Variants in BTNL8 observed in about 807,000 individuals in gnomAD.
BTNL8 encodes butyrophilin like 8.
BTNL8 carries 22 observed loss-of-function variants against 36.1 expected under a neutral mutation model. The ratio of observed to expected loss-of-function variants is 0.61; its 90% confidence interval spans 0.44 to 0.87. The LOEUF (loss-of-function observed/expected upper bound fraction) is 0.87, where lower values mean the gene tolerates loss of function less well. Ranked by LOEUF, BTNL8 falls within the 40% of genes least tolerant of loss-of-function variation. The pLI is 0.00. For synonymous variants in BTNL8, 203 were observed against 235.6 expected, an observed-to-expected ratio of 0.86 and a Z score of 1.27; for missense variants, 526 against 616.9, an observed-to-expected ratio of 0.85 and a Z score of 1.56.
intron 1 of BTNL8, among the ~76,000 whole-genome samples, 199 bp downstream of exon 1, chr5:180,899,558 G>A (rs577926322): frequency 3.3e-5 from 5 of 152,326 alleles, no homozygotes; most frequent in East Asian, 1.9e-4. Flanking sequence ...TGTTGAAGAC[G>A]CACCGTGATC....
intron 3 of BTNL8, among the ~76,000 whole-genome samples, chr5:180,942,347 G>T (rs970213495): frequency 1.3e-5 from 2 of 152,190 alleles, no homozygotes; most frequent in South Asian, 4.1e-4. Context: ...AATTAAGATT[G>T]GTAAAATGAC....
At position 180,908,715 on chromosome 5, in the gene BTNL8, T is replaced by G. The variant is rs751468271; in HGVS notation, c.179T>G (p.Phe60Cys). 1.2e-6 allele frequency: 2 copies of G among 1,614,096 alleles called. No homozygotes were observed. The highest frequency in any genetic ancestry group is 1.7e-6 in the Non-Finnish European group (2 of 1,180,050). Reference protein sequence around the residue: ...AMEVRFFRGQFSSVVHLYRDG... With the variant: ...AMEVRFFRGQCSSVVHLYRDG... The stretch of plus-strand genomic sequence containing the variant: ...GAAGTGCGGTTCTTCAGGGGCCAGT[T>G]CTCTAGCGTGGTCCACCTCTACAGG... Residue 60 changes from phenylalanine (F) to cysteine (C), a missense_variant, in exon 2 of 8, where the codon TTC becomes TGC. Coordinates refer to ENST00000340184, the MANE Select transcript of BTNL8 (RefSeq NM_001040462.3).
rs1348265239 is a variant in BTNL8 at position 180,935,909 on chromosome 5, ATTC to A, written c.674-11600_674-11598del. ...GATCAGGGACAATACAAGAATGCCC[ATTC>A]TTATAACTTTTTTTTTTTTTGGTGT... is the stretch of plus-strand genomic sequence containing the variant. On this transcript the variant is annotated intron_variant, in intron 3 of 7. Coordinates refer to ENST00000340184, the MANE Select transcript of BTNL8 (RefSeq NM_001040462.3). This position sits in a 1 kb window ranked among gnomAD's most constrained non-coding sequence, Gnocchi z 4.8. Among the ~76,000 whole-genome samples, 5 of 151,362 alleles carry A rather than the reference ATTC, an allele frequency of 3.3e-5. No homozygotes were observed. Among genetic ancestry groups the A allele is most frequent in the African/African-American group, 4.8e-5 (2 of 41,260 alleles).
At chr5:180,925,060 T>A (rs1320479431) in intron 3 of BTNL8, among the ~76,000 whole-genome samples, 1 of 152,038 alleles carries the variant, frequency 6.6e-6, no homozygotes, top group African/African-American at 2.4e-5. Flanking sequence ...AGGCAAAGAA[T>A]CACTGGGCTT....
chr5:180,948,552 C>G, intron 5 of BTNL8, 177 bp downstream of exon 5: 1 of 1,569,496 alleles, frequency 6.4e-7, no homozygotes, highest in South Asian at 1.1e-5. Context: ...CCTCGGACAT[C>G]TGGAGGGCTT....
Position 180,908,948 on chromosome 5 carries a change from T to G in BTNL8, c.397+15T>G, listed in dbSNP as rs970739082. On this transcript the variant is annotated intron_variant, in intron 2 of 7. Coordinates refer to ENST00000340184, the MANE Select transcript of BTNL8 (RefSeq NM_001040462.3). ...ACAGGTGTCAGGTCAGTTTCATATT[T>G]CATAACTTAGTTGTCCCAAAGAACC... 2.5e-6 allele frequency: 4 copies of G among 1,598,484 alleles called. No individual in the cohort carries two copies. In the Admixed American group the frequency reaches 6.8e-5, roughly 27 times the overall value.
intron 4 of BTNL8, chr5:180,947,881 A>G: frequency 2.3e-6 from 3 of 1,332,582 alleles, no homozygotes; most frequent in East Asian, 2.3e-5. Context: ...CTATAGAGAG[A>G]GCTTGGATAA....
chr5:180,933,187 G>C (rs1476781317), intron 3 of BTNL8, among the ~76,000 whole-genome samples: 1 of 152,088 alleles, frequency 6.6e-6, no homozygotes, highest in East Asian at 1.9e-4. Flanking sequence ...TTTAAGGAGA[G>C]ATAAACTGCA....
intron 3 of BTNL8, among the ~76,000 whole-genome samples, chr5:180,925,224 G>A (rs775057752): frequency 1.9e-4 from 29 of 152,144 alleles, no homozygotes; most frequent in Non-Finnish European, 2.8e-4. Flanking sequence ...ACAAGATCCC[G>A]AAGGCATATT....
chr5:180,935,342 T>A lies in BTNL8; in HGVS notation c.674-12170T>A, dbSNP rs1451408028. On this transcript the variant is annotated intron_variant, in intron 3 of 7. Coordinates refer to ENST00000340184, the MANE Select transcript of BTNL8 (RefSeq NM_001040462.3). The surrounding 1 kb of genome is among the most constrained non-coding windows in gnomAD (Gnocchi z 4.8). Reference sequence around the variant, plus strand: ...TCCATGGTACCTGGGCTGTTCATGCTGAGTTGGACCTGCAGACCTGTGCAG... The same window carrying A: ...TCCATGGTACCTGGGCTGTTCATGCAGAGTTGGACCTGCAGACCTGTGCAG... Among the ~76,000 whole-genome samples, 2 of 152,162 alleles carry A rather than the reference T, an allele frequency of 1.3e-5. No individual in the cohort carries two copies. Among genetic ancestry groups the A allele is most frequent in the African/African-American group, 4.8e-5 (2 of 41,450 alleles).
chr5:180,918,258 C>T (rs1757732051), intron 3 of BTNL8, among the ~76,000 whole-genome samples: 1 of 151,966 alleles, frequency 6.6e-6, no homozygotes, highest in Admixed American at 6.6e-5. Flanking sequence ...CAACCAAATT[C>T]ATGATAAAAA....
Position 180,915,876 on chromosome 5 carries a change from A to AAG in BTNL8, c.673+4263_673+4264dup, listed in dbSNP as rs530611820. 9.2e-5 allele frequency among the ~76,000 whole-genome samples: 14 copies of AAG among 152,378 alleles called. No individual in the cohort carries two copies. The South Asian group carries it at 2.9e-3, about 32-fold the overall frequency. ...CCAACTTTCAATAAATTAGGTATAG[A>AAG]AGCAATGTAGCTCAACACAATAAAG... is the stretch of plus-strand genomic sequence containing the variant. On this transcript the variant is annotated intron_variant, in intron 3 of 7. Transcript: ENST00000340184.
intron 3 of BTNL8, among the ~76,000 whole-genome samples, chr5:180,946,468 G>A (rs778860209): frequency 2.6e-5 from 4 of 152,284 alleles, no homozygotes; most frequent in South Asian, 4.2e-4. Flanking sequence ...TTGCAACTCC[G>A]AGGATAAACC....
At chr5:180,937,919 T>A (rs1271853652) in intron 3 of BTNL8, among the ~76,000 whole-genome samples, 1 of 127,716 alleles carries the variant, frequency 7.8e-6, no homozygotes, top group African/African-American at 3.0e-5. Flanking sequence ...ATGAAATACT[T>A]TTTAAAAGCC....
intron 7 of BTNL8, 161 bp downstream of exon 7, chr5:180,949,426 C>T: frequency 9.3e-7 from 1 of 1,081,016 alleles, no homozygotes; most frequent in South Asian, 1.4e-5. Context: ...GTTCAGTGCC[C>T]CCAGACACAC....
chr5:180,921,660 TACACACAC>T (rs201708722), intron 3 of BTNL8, among the ~76,000 whole-genome samples: 31,686 of 146,194 alleles, frequency 0.22, 3,691 homozygotes, highest in Non-Finnish European at 0.26. Context: ...CTGCTCATAC[TACACACAC>T]ACACACACAC....
intron 3 of BTNL8, among the ~76,000 whole-genome samples, chr5:180,917,869 A>C (rs1248534045): frequency 6.6e-6 from 1 of 151,964 alleles, no homozygotes; most frequent in African/African-American, 2.4e-5. Flanking sequence ...TCTACTAAAA[A>C]TACAAAAGAA....
At chr5:180,941,917 T>TTTTTTTTTTTTTTTTTTTTTTTGAGA (rs1430901477) in intron 3 of BTNL8, among the ~76,000 whole-genome samples, 7 of 151,252 alleles carry the variant, frequency 4.6e-5, no homozygotes, top group Non-Finnish European at 7.4e-5. Context: ...CTACTCTTAT[T>TTTTTTTTTTTTTTTTTTTTTTTGAGA]CAACAAAGTA....
chr5:180,908,803 G>A lies in BTNL8; in HGVS notation c.267G>A (p.Lys89=). ...ATCAAGGCAGGACAAAACTGGTGAA[G>A]GATTCTATTGCGGAGGGGCGCATCT... ...PQYQGRTKLV[K]DSIAEGRISL... The change falls in exon 2 of 8, where the codon AAG becomes AAA. Residue 89 remains lysine (K), a synonymous_variant. Coordinates refer to ENST00000340184, the MANE Select transcript of BTNL8 (RefSeq NM_001040462.3). The A allele has an allele frequency of 6.2e-7, 1 of 1,614,172 alleles. No homozygotes were observed. The highest frequency in any genetic ancestry group is 1.3e-5 in the African/African-American group (1 of 75,032).
Sources: allele counts gnomAD v4.1 joint callset (sites outside exome capture counted in the v4.1 genomes callset), GRCh38; gene constraint gnomAD v4.1.1; non-coding constraint Gnocchi (gnomAD v3.1); transcripts MANE v1.5; gene names NCBI Gene and HGNC (gene_info 2026-07-23, HGNC 2026-07-21).